The following NKAIN3 variants were observed in gnomAD, a reference collection of about 807,000 sequenced individuals.
NKAIN3 encodes sodium/potassium transporting ATPase interacting 3, also known as sodium/potassium-transporting ATPase subunit beta-1-interacting protein 3.
Under a neutral mutation model 30.2 loss-of-function variants are expected in NKAIN3, and 25 were observed. The ratio of observed to expected loss-of-function variants is 0.83; its 90% confidence interval spans 0.60 to 1.16. The LOEUF is 1.16. Ranked by LOEUF, NKAIN3 falls within the 50% of genes most tolerant of loss-of-function variation. NKAIN3 has a pLI of 0.00. For missense variants in NKAIN3, 225 were observed against 254.1 expected, an observed-to-expected ratio of 0.89 and a Z score of 0.78; for synonymous variants, 91 against 89.6, an observed-to-expected ratio of 1.02 and a Z score of -0.09.
chr8:62,377,231 T>A (rs1389883942), intron 1 of NKAIN3, among the ~76,000 whole-genome samples: 1 of 152,194 alleles, frequency 6.6e-6, no homozygotes, highest in South Asian at 2.1e-4. Flanking sequence ...CTTCCCTCTT[T>A]GTTTCTTTGT....
chr8:62,536,410 G>A (rs1362133749), intron 1 of NKAIN3, among the ~76,000 whole-genome samples: 1 of 152,078 alleles, frequency 6.6e-6, no homozygotes, highest in Non-Finnish European at 1.5e-5. Context: ...TTAGCCATTA[G>A]TTTAACAATA....
intron 3 of NKAIN3, among the ~76,000 whole-genome samples, chr8:62,727,526 AG>A (rs1381063016): frequency 6.6e-6 from 1 of 152,174 alleles, no homozygotes; most frequent in Non-Finnish European, 1.5e-5. Flanking sequence ...AATATATAAA[AG>A]CTAATCACTT....
At chr8:62,559,290 T>G (rs1021725765) in intron 1 of NKAIN3, among the ~76,000 whole-genome samples, 12 of 152,024 alleles carry the variant, frequency 7.9e-5, no homozygotes, top group Non-Finnish European at 1.3e-4. Context: ...TTTTAGCCTT[T>G]GAATTTTAAC....
intron 2 of NKAIN3, among the ~76,000 whole-genome samples, chr8:62,580,091 G>A (rs1810244092): frequency 6.6e-6 from 1 of 152,104 alleles, no homozygotes; most frequent in African/African-American, 2.4e-5. Context: ...TAGCATAATT[G>A]TTTAGTCACT....
intron 5 of NKAIN3, among the ~76,000 whole-genome samples, chr8:62,919,468 A>G (rs1390484761): frequency 1.3e-5 from 2 of 151,630 alleles, no homozygotes; most frequent in Admixed American, 6.6e-5. Context: ...GATGGTCTCG[A>G]TCTCCTGACC....
intron 1 of NKAIN3, among the ~76,000 whole-genome samples, chr8:62,342,691 A>G (rs539176084): frequency 5.9e-5 from 9 of 152,174 alleles, no homozygotes; most frequent in African/African-American, 2.2e-4. Context: ...TGACTGGAAG[A>G]AGGGTTATCA....
At chr8:62,798,696 C>G (rs1481025723) in intron 4 of NKAIN3, among the ~76,000 whole-genome samples, 1 of 152,162 alleles carries the variant, frequency 6.6e-6, no homozygotes, top group Admixed American at 6.5e-5. Context: ...TGATCTCAGA[C>G]TTCTGGCTTG....
intron 1 of NKAIN3, among the ~76,000 whole-genome samples, chr8:62,377,049 T>G (rs1236342334): frequency 6.6e-6 from 1 of 152,166 alleles, no homozygotes; most frequent in Non-Finnish European, 1.5e-5. Context: ...GTGAAAAACT[T>G]TAGTACATAA....
intron 1 of NKAIN3, among the ~76,000 whole-genome samples, chr8:62,337,450 C>T (rs1302098437): frequency 6.6e-6 from 1 of 151,650 alleles, no homozygotes; most frequent in Non-Finnish European, 1.5e-5. Flanking sequence ...TGAAGTATAT[C>T]AGGGGCAGGA....
intron 4 of NKAIN3, among the ~76,000 whole-genome samples, chr8:62,755,023 AT>A (rs1816406961): frequency 6.6e-6 from 1 of 152,216 alleles, no homozygotes; most frequent in Admixed American, 6.5e-5. Context: ...CTGTGTTAAC[AT>A]TTGCATTTAT....
intron 1 of NKAIN3, among the ~76,000 whole-genome samples, chr8:62,452,956 TAAGGTAGACCCA>T (rs1805696351): frequency 6.6e-6 from 1 of 152,172 alleles, no homozygotes; most frequent in Admixed American, 6.5e-5. Flanking sequence ...GGATTCTTGA[TAAGGTAGACCCA>T]AATTAAGTTT....
At chr8:62,826,337 T>C (rs1819024025) in intron 4 of NKAIN3, among the ~76,000 whole-genome samples, 1 of 152,134 alleles carries the variant, frequency 6.6e-6, no homozygotes, top group East Asian at 1.9e-4. Flanking sequence ...ACTTTATTTA[T>C]TTAAATTTGC....
At chr8:62,712,372 G>C (rs1159099618) in intron 3 of NKAIN3, among the ~76,000 whole-genome samples, 1 of 152,136 alleles carries the variant, frequency 6.6e-6, no homozygotes, top group Non-Finnish European at 1.5e-5. Flanking sequence ...GTTGGGGTAG[G>C]TGTGTCTGAG....
intron 4 of NKAIN3, among the ~76,000 whole-genome samples, chr8:62,754,012 A>G (rs182257639): frequency 9.9e-5 from 15 of 152,280 alleles, no homozygotes; most frequent in Non-Finnish European, 2.1e-4. Context: ...TTCAGATACA[A>G]AAAGATTTAG....
chr8:62,506,228 T>TGTGG, intron 1 of NKAIN3, among the ~76,000 whole-genome samples: 1 of 129,228 alleles, frequency 7.7e-6, no homozygotes, highest in African/African-American at 2.8e-5. Context: ...ATGAGAATAT[T>TGTGG]GGGGGGGGGG....
intron 1 of NKAIN3, among the ~76,000 whole-genome samples, chr8:62,478,439 G>A (rs1379644493): frequency 1.3e-5 from 2 of 152,192 alleles, no homozygotes; most frequent in East Asian, 3.9e-4. Context: ...TCTGTGGATG[G>A]CCCCATAAAA....
intron 1 of NKAIN3, among the ~76,000 whole-genome samples, chr8:62,367,296 T>G (rs1482445458): frequency 6.6e-6 from 1 of 152,158 alleles, no homozygotes; most frequent in Non-Finnish European, 1.5e-5. Context: ...ATGTCCCTGA[T>G]GAACATAGAT....
intron 4 of NKAIN3, among the ~76,000 whole-genome samples, chr8:62,831,923 T>C (rs1346221117): frequency 1.3e-5 from 2 of 152,098 alleles, no homozygotes; most frequent in Admixed American, 1.3e-4. Flanking sequence ...CACCAGACTG[T>C]CCAAGGCCAA....
At chr8:62,987,110 C>T (rs774565953), downstream of NKAIN3, among the ~76,000 whole-genome samples, 44 of 152,084 alleles carry the variant, frequency 2.9e-4, no homozygotes, top group Admixed American at 5.9e-4. Flanking sequence ...TTATTGGCTG[C>T]GTGTGGTAGC....
Sources: allele counts gnomAD v4.1 joint callset (sites outside exome capture counted in the v4.1 genomes callset), GRCh38; gene constraint gnomAD v4.1.1; transcripts MANE v1.5; gene names NCBI Gene and HGNC (gene_info 2026-07-23, HGNC 2026-07-21).